Variants in GAN observed in about 807,000 individuals in gnomAD.
The protein encoded by GAN is epididymis secretory sperm binding protein.
Under a neutral mutation model 71.3 loss-of-function variants are expected in GAN, and 48 were observed. That is an observed-to-expected ratio of 0.67 (90% confidence interval 0.53 to 0.86). The LOEUF is 0.86. Among genes scored for constraint, GAN ranks in the 40% least tolerant of loss-of-function variants. The pLI is 0.00. For missense variants in GAN, 928 were observed against 770.1 expected, an observed-to-expected ratio of 1.21 and a Z score of -2.43; for synonymous variants, 386 against 276.8, an observed-to-expected ratio of 1.39 and a Z score of -3.92.
At chr16:81,318,074 A>C (rs7195134) in intron 1 of GAN, among the ~76,000 whole-genome samples, 1 of 152,204 alleles carries the variant, frequency 6.6e-6, no homozygotes, top group South Asian at 2.1e-4. Flanking sequence ...TTGTATTTTT[A>C]CTGGTAATTT....
chr16:81,389,478 C>G lies in GAN; in HGVS notation c.*11882C>G, dbSNP rs1452266420. The G allele has an allele frequency of 6.6e-6, 1 of 152,192 alleles. No individual in the cohort carries two copies. Among genetic ancestry groups the G allele is most frequent in the African/African-American group, 2.4e-5 (1 of 41,444 alleles). The allele number at this position is 152,192 out of a possible 1,614,324, so 9.4% of individuals were successfully genotyped here. On this transcript the variant is annotated 3_prime_UTR_variant, in exon 11 of 11. Coordinates refer to ENST00000648994, the MANE Select transcript of GAN (RefSeq NM_022041.4). Reference sequence around the variant, plus strand: ...GACCAGCAGAGCTGACAAAAGCACCCCCTGCTCTGCCCACCTCCGCAGAGT... The same window carrying G: ...GACCAGCAGAGCTGACAAAAGCACCGCCTGCTCTGCCCACCTCCGCAGAGT...
chr16:81,362,279 G>A (rs996721655), intron 5 of GAN, among the ~76,000 whole-genome samples: 4 of 152,132 alleles, frequency 2.6e-5, no homozygotes, highest in Admixed American at 1.3e-4. Context: ...GTAGGGTGGT[G>A]GAAATCCCCT....
chr16:81,344,948 GA>G (rs965207769), intron 1 of GAN, among the ~76,000 whole-genome samples: 50 of 152,286 alleles, frequency 3.3e-4, no homozygotes, highest in African/African-American at 1.2e-3. Context: ...CAAAGGATAT[GA>G]ACAGTCACTT....
Position 81,317,049 on chromosome 16 carries a change from G to T in GAN, c.167+1769G>T, listed in dbSNP as rs537486599. On this transcript the variant is annotated intron_variant, in intron 1 of 10. Transcript: ENST00000648994. ...AATTTTTGTATTTTTAGTAGAGTCG[G>T]GGTTTTACCATGTTGGCCAGGCTGG... is the stretch of plus-strand genomic sequence containing the variant. Among the ~76,000 whole-genome samples, 12 of 152,100 alleles carry T rather than the reference G, an allele frequency of 7.9e-5. No homozygotes were observed. In the South Asian group the frequency reaches 2.5e-3, roughly 32 times the overall value.
intron 1 of GAN, among the ~76,000 whole-genome samples, chr16:81,351,243 A>G (rs1316454421): frequency 6.6e-6 from 1 of 152,186 alleles, no homozygotes; most frequent in Non-Finnish European, 1.5e-5. Context: ...TCCTTGTTAC[A>G]TTATTGAAGA....
intron 1 of GAN, among the ~76,000 whole-genome samples, chr16:81,337,632 A>G (rs1262127720): frequency 6.6e-6 from 1 of 152,242 alleles, no homozygotes; most frequent in African/African-American, 2.4e-5. Flanking sequence ...CTCAATTTTA[A>G]TTACTTACAA....
In GAN at chr16:81,382,351, T is replaced by C. The variant is rs181342225; in HGVS notation, c.*4755T>C. The C allele has an allele frequency of 9.8e-5, 15 of 152,358 alleles. No homozygotes were observed. In the East Asian group the frequency reaches 2.7e-3, roughly 27 times the overall value. 9.4% of individuals were successfully genotyped at this position (152,358 alleles called of 1,614,324 possible). On this transcript the variant is annotated 3_prime_UTR_variant, in exon 11 of 11. Coordinates refer to ENST00000648994, the MANE Select transcript of GAN (RefSeq NM_022041.4). ...TTAATACAATTTACGCTCCCAAACA[T>C]GTCCTTTGCTAGTTGCACAGGCATA...
chr16:81,382,994 T>G lies in GAN; in HGVS notation c.*5398T>G, dbSNP rs1904313417. 1 of 152,006 alleles carries G rather than the reference T, an allele frequency of 6.6e-6. No individual in the cohort carries two copies. The highest frequency in any genetic ancestry group is 2.1e-4 in the South Asian group (1 of 4,828). The allele number at this position is 152,006 out of a possible 1,614,324, so 9.4% of individuals were successfully genotyped here. On this transcript the variant is annotated 3_prime_UTR_variant, in exon 11 of 11. Coordinates refer to ENST00000648994, the MANE Select transcript of GAN (RefSeq NM_022041.4). ...TTTTATTTTATTTTTTTAAATTTCTTTTAGAAACTGGGTTTTGCTCTGTTG... is the reference window on the plus strand; with the variant it reads ...TTTTATTTTATTTTTTTAAATTTCTGTTAGAAACTGGGTTTTGCTCTGTTG...
chr16:81,359,405 G>GTTTTTTT (rs71146005), intron 5 of GAN, among the ~76,000 whole-genome samples: 1 of 125,114 alleles, frequency 8.0e-6, no homozygotes, highest in African/African-American at 2.9e-5. Flanking sequence ...AGGCTGCATT[G>GTTTTTTT]TTTTTTTTTT....
Position 81,368,727 on chromosome 16 carries a change from G to A in GAN, c.1502+3249G>A, listed in dbSNP as rs138380616. On this transcript the variant is annotated intron_variant, in intron 9 of 10. Coordinates refer to ENST00000648994, the MANE Select transcript of GAN (RefSeq NM_022041.4). ...CATTTCCCACCTTCCCTGCCCCGCTGCTACCCTCACAGTTATTCCTGCATC... is the reference window on the plus strand; with the variant it reads ...CATTTCCCACCTTCCCTGCCCCGCTACTACCCTCACAGTTATTCCTGCATC... Among the ~76,000 whole-genome samples, 99 of 152,328 alleles carry A rather than the reference G, an allele frequency of 6.5e-4. 1 individual carries two copies. Among genetic ancestry groups the A allele is most frequent in the African/African-American group, 2.2e-3 (91 of 41,570 alleles).
In GAN at chr16:81,339,039, C is replaced by G. The variant is rs562015630; in HGVS notation, c.168-12544C>G. On this transcript the variant is annotated intron_variant, in intron 1 of 10. Coordinates refer to ENST00000648994, the MANE Select transcript of GAN (RefSeq NM_022041.4). ...AGTAATTTATGTCTGTTGAATTTAT[C>G]TATGAATTAAGTCATTATATTTTAC... Among the ~76,000 whole-genome samples the G allele has an allele frequency of 1.6e-3, 239 of 152,296 alleles. 1 individual carries two copies. Among genetic ancestry groups the G allele is most frequent in the African/African-American group, 5.6e-3 (231 of 41,558 alleles).
intron 9 of GAN, among the ~76,000 whole-genome samples, chr16:81,366,104 C>G (rs1482903751): frequency 6.6e-6 from 1 of 152,196 alleles, no homozygotes; most frequent in Non-Finnish European, 1.5e-5. Context: ...GCTTAGTTAT[C>G]AAAACCTAGA....
chr16:81,322,788 G>T (rs1230535672), intron 1 of GAN, among the ~76,000 whole-genome samples: 1 of 152,152 alleles, frequency 6.6e-6, no homozygotes, highest in Non-Finnish European at 1.5e-5. Context: ...GTATTACTGA[G>T]CTCAAAATAT....
At chr16:81,339,583 G>A (rs1471019310) in intron 1 of GAN, among the ~76,000 whole-genome samples, 1 of 152,190 alleles carries the variant, frequency 6.6e-6, no homozygotes, top group African/African-American at 2.4e-5. Context: ...TTTACTAAAG[G>A]AAATAGAGAA....
At chr16:81,361,727 C>G (rs1910679014) in intron 5 of GAN, among the ~76,000 whole-genome samples, 1 of 152,198 alleles carries the variant, frequency 6.6e-6, no homozygotes, top group Non-Finnish European at 1.5e-5. Flanking sequence ...CAAGATCTCA[C>G]TTCGTTGCCC....
intron 9 of GAN, among the ~76,000 whole-genome samples, chr16:81,370,509 T>A (rs1911004774): frequency 6.6e-6 from 1 of 152,244 alleles, no homozygotes. Context: ...AGCTGCTACC[T>A]TTAGGGCAGA....
At chr16:81,369,836 C>T (rs1240474781) in intron 9 of GAN, among the ~76,000 whole-genome samples, 1 of 152,218 alleles carries the variant, frequency 6.6e-6, no homozygotes, top group Non-Finnish European at 1.5e-5. Flanking sequence ...TCCCAAAGTG[C>T]TGGGATTACA....
rs114756212 is a variant in GAN, at chr16:81,326,874, A to C, written c.167+11594A>C. ...CTGTTGTATATACTGTCCATCACGGACTGAAACATCGTTACCTGCTACATG... is the reference window on the plus strand; with the variant it reads ...CTGTTGTATATACTGTCCATCACGGCCTGAAACATCGTTACCTGCTACATG... On this transcript the variant is annotated intron_variant, in intron 1 of 10. Transcript: ENST00000648994. 6.5e-3 allele frequency among the ~76,000 whole-genome samples: 997 copies of C among 152,340 alleles called. 11 individuals carry two copies. The highest frequency in any genetic ancestry group is 0.023 in the African/African-American group (956 of 41,578).
chr16:81,334,718 C>G (rs1048416699), intron 1 of GAN, among the ~76,000 whole-genome samples: 4 of 152,146 alleles, frequency 2.6e-5, no homozygotes, highest in Admixed American at 2.0e-4. Flanking sequence ...GAGGACAAAC[C>G]AGTGGGATGG....
Sources: allele counts gnomAD v4.1 joint callset (sites outside exome capture counted in the v4.1 genomes callset), GRCh38; gene constraint gnomAD v4.1.1; transcripts MANE v1.5; gene names NCBI Gene and HGNC (gene_info 2026-07-23, HGNC 2026-07-21).